The following ROR2 variants were observed in gnomAD, a reference collection of about 807,000 sequenced individuals.
The protein encoded by ROR2 is ROR family WNT receptor 2, also known as tyrosine-protein kinase transmembrane receptor ROR2.
In ROR2, 33 loss-of-function variants were observed where a neutral mutation model predicts 74.9. That is an observed-to-expected ratio of 0.44 (90% CI 0.33 to 0.59). The LOEUF (loss-of-function observed/expected upper bound fraction) is 0.59. Ranked by LOEUF, ROR2 falls within the 20% of genes least tolerant of loss-of-function variation. The pLI is 0.02. For synonymous variants in ROR2, 586 were observed against 558.7 expected (o/e 1.05, Z -0.69); for missense variants, 1,216 against 1,313.8 (o/e 0.93, Z 1.15).
At position 91,784,886 on chromosome 9, in the gene ROR2, G is replaced by A. The variant is rs542394612; in HGVS notation, c.98-9068C>T. ...AACTGGCTGTTTATTTTTCTGTCTC[G>A]CCTTCATGGGGCCAGGAGATTCTAT... On this transcript the variant is annotated intron_variant, in intron 1 of 8. Transcript: ENST00000375708. Among the ~76,000 whole-genome samples, 7 of 152,096 alleles carry A rather than the reference G, an allele frequency of 4.6e-5. No homozygotes were observed. The South Asian group carries it at 8.3e-4, about 18-fold the overall frequency.
intron 2 of ROR2, among the ~76,000 whole-genome samples, chr9:91,765,729 A>C (rs997370669): frequency 8.5e-5 from 13 of 152,280 alleles, no homozygotes; most frequent in Non-Finnish European, 1.6e-4. Context: ...TCCTAGCTTC[A>C]CAGGTAAGCT....
intron 2 of ROR2, among the ~76,000 whole-genome samples, chr9:91,773,905 TA>T (rs896258722): frequency 2.2e-4 from 34 of 151,842 alleles, no homozygotes; most frequent in Admixed American, 2.1e-3. Context: ...TCTCTTCCTT[TA>T]GGCCACTTGG....
At chr9:91,788,583 G>T (rs1170880603) in intron 1 of ROR2, among the ~76,000 whole-genome samples, 1 of 152,030 alleles carries the variant, frequency 6.6e-6, no homozygotes, top group Non-Finnish European at 1.5e-5. Flanking sequence ...TCAATATGCA[G>T]GCCAGGCGTG....
chr9:91,774,495 G>A (rs996720364), intron 2 of ROR2, among the ~76,000 whole-genome samples: 3 of 152,216 alleles, frequency 2.0e-5, no homozygotes, highest in African/African-American at 7.2e-5. Context: ...AGGATTAGAT[G>A]AGGTCATGAT....
At chr9:91,812,418 G>A (rs1008856470) in intron 1 of ROR2, among the ~76,000 whole-genome samples, 1 of 152,050 alleles carries the variant, frequency 6.6e-6, no homozygotes, top group Non-Finnish European at 1.5e-5. Flanking sequence ...TGGGGAGGGG[G>A]GATGTCAGGG....
chr9:91,789,918 C>T (rs987496793), intron 1 of ROR2, among the ~76,000 whole-genome samples: 2 of 152,044 alleles, frequency 1.3e-5, no homozygotes, highest in Non-Finnish European at 2.9e-5. Context: ...ACTACCCAAA[C>T]ATAGGCTGCC....
chr9:91,744,820 G>T (rs1164899776), intron 4 of ROR2, among the ~76,000 whole-genome samples: 1 of 152,202 alleles, frequency 6.6e-6, no homozygotes, highest in Non-Finnish European at 1.5e-5. Context: ...AGTTCCCTGG[G>T]AAGTAAATTT....
At chr9:91,742,821 A>G (rs1825294945) in intron 4 of ROR2, among the ~76,000 whole-genome samples, 1 of 152,206 alleles carries the variant, frequency 6.6e-6, no homozygotes. Flanking sequence ...CACCAGCAAC[A>G]GCTTCCAGTC....
chr9:91,947,092 CAATAAA>C (rs1832031291), intron 1 of ROR2, among the ~76,000 whole-genome samples: 1 of 152,162 alleles, frequency 6.6e-6, no homozygotes, highest in African/African-American at 2.4e-5. Context: ...AAAGGTTTCA[CAATAAA>C]AATAAAAATG....
chr9:91,940,101 C>T (rs1760767128), intron 1 of ROR2, among the ~76,000 whole-genome samples: 1 of 152,194 alleles, frequency 6.6e-6, no homozygotes, highest in African/African-American at 2.4e-5. Flanking sequence ...TCCAAGCCCA[C>T]GGGAACCCCA....
At chr9:91,914,598 G>A (rs746713476) in intron 1 of ROR2, among the ~76,000 whole-genome samples, 1 of 152,162 alleles carries the variant, frequency 6.6e-6, no homozygotes. Flanking sequence ...ACCAGCTACT[G>A]ACTAAACAGT....
chr9:91,899,918 G>A (rs1038399597), intron 1 of ROR2, among the ~76,000 whole-genome samples: 4 of 152,194 alleles, frequency 2.6e-5, no homozygotes, highest in East Asian at 3.9e-4. Context: ...CTGCACACTC[G>A]AACACATACA....
intron 1 of ROR2, among the ~76,000 whole-genome samples, chr9:91,802,100 G>A (rs1011898153): frequency 1.5e-5 from 2 of 136,978 alleles, no homozygotes; most frequent in Non-Finnish European, 3.1e-5. Flanking sequence ...TGGAGATGGA[G>A]TCTCGCTCTG....
intron 3 of ROR2, among the ~76,000 whole-genome samples, chr9:91,756,743 CTTTTT>C (rs557043787): frequency 0.031 from 3,188 of 103,976 alleles, 78 homozygotes; most frequent in African/African-American, 0.11. Context: ...TTTTTGTTCT[CTTTTT>C]TTTTTTTTTT....
At position 91,723,648 on chromosome 9, in the gene ROR2, G is replaced by A; in HGVS notation, c.*14C>T. ...GCGGGGCTTCTATCCCCGAACCCCGGGCCCTGGTGCCACTCAAGCTTCCAG... is the reference window on the plus strand; with the variant it reads ...GCGGGGCTTCTATCCCCGAACCCCGAGCCCTGGTGCCACTCAAGCTTCCAG... On this transcript the variant is annotated 3_prime_UTR_variant, in exon 9 of 9. Coordinates refer to ENST00000375708, the MANE Select transcript of ROR2 (RefSeq NM_004560.4). The A allele has an allele frequency of 6.2e-7, 1 of 1,612,576 alleles. No individual in the cohort carries two copies. The highest frequency in any genetic ancestry group is 1.1e-5 in the South Asian group (1 of 91,012).
At chr9:91,846,849 T>C (rs1426471750) in intron 1 of ROR2, among the ~76,000 whole-genome samples, 1 of 152,162 alleles carries the variant, frequency 6.6e-6, no homozygotes, top group African/African-American at 2.4e-5. Flanking sequence ...CGTTGCCTTC[T>C]AGGGCAGATG....
Position 91,833,631 on chromosome 9 carries a change from G to A in ROR2, c.98-57813C>T, listed in dbSNP as rs192562578. On this transcript the variant is annotated intron_variant, in intron 1 of 8. Transcript: ENST00000375708. The stretch of plus-strand genomic sequence containing the variant: ...CGAAGAGAAGCAGCCCATGGCCAGC[G>A]CACCCTGCAGACCTGCATGCCCGCC... 2.0e-3 allele frequency among the ~76,000 whole-genome samples: 300 copies of A among 152,126 alleles called. 4 individuals are homozygous for A. The highest frequency in any genetic ancestry group is 1.6e-3 in the Non-Finnish European group (106 of 67,998).
chr9:91,934,185 T>C (rs947652309), intron 1 of ROR2, among the ~76,000 whole-genome samples: 10 of 152,158 alleles, frequency 6.6e-5, no homozygotes, highest in Admixed American at 1.3e-4. Context: ...CTTTTTCAAA[T>C]CATCAACATG....
chr9:91,728,531 A>C (rs1837122449), intron 7 of ROR2, among the ~76,000 whole-genome samples: 1 of 152,148 alleles, frequency 6.6e-6, no homozygotes, highest in Non-Finnish European at 1.5e-5. Context: ...CCTGGGTTCA[A>C]GTGATTCTCC....
Sources: allele counts gnomAD v4.1 joint callset (sites outside exome capture counted in the v4.1 genomes callset), GRCh38; gene constraint gnomAD v4.1.1; transcripts MANE v1.5; gene names NCBI Gene and HGNC (gene_info 2026-07-23, HGNC 2026-07-21).